NOPCHAP1: variants seen among roughly 807,000 people sequenced by gnomAD.
NOPCHAP1 encodes the protein NOP protein chaperone 1, also known as DNA damage-sensitive RNA 1.
Under a neutral mutation model 14.0 loss-of-function variants are expected in NOPCHAP1, and 13 were observed. That is an observed-to-expected ratio of 0.93 (90% CI 0.60 to 1.47). The LOEUF (loss-of-function observed/expected upper bound fraction) is 1.47, where lower values mean the gene tolerates loss of function less well. Among genes scored for constraint, NOPCHAP1 ranks in the 40% most tolerant of loss-of-function variants. The pLI, the probability that NOPCHAP1 is intolerant of heterozygous loss-of-function variation, is 0.00. For missense variants in NOPCHAP1, 230 were observed against 226.9 expected, an observed-to-expected ratio of 1.01 and a Z score of -0.09; for synonymous variants, 78 against 78.4, an observed-to-expected ratio of 1.00 and a Z score of 0.03.
chr12:105,014,373 A>G lies in NOPCHAP1; in HGVS notation c.*19677A>G, dbSNP rs1351870186. ...GTACCTAACTTTTTAATTTTTTTTAAGCCATGCAGTTCATCTGTGAATTTT... is the reference window on the plus strand; with the variant it reads ...GTACCTAACTTTTTAATTTTTTTTAGGCCATGCAGTTCATCTGTGAATTTT... On this transcript the variant is annotated 3_prime_UTR_variant, in exon 4 of 4. Transcript: ENST00000552951. 6.6e-6 allele frequency: 1 copy of G among 152,142 alleles called. No individual in the cohort carries two copies. Among genetic ancestry groups the G allele is most frequent in the Non-Finnish European group, 1.5e-5 (1 of 68,012 alleles). 9.4% of individuals were successfully genotyped at this position (152,142 alleles called of 1,614,324 possible).
In NOPCHAP1 at chr12:105,014,523, A is replaced by G. The variant is rs925306187; in HGVS notation, c.*19827A>G. On this transcript the variant is annotated 3_prime_UTR_variant, in exon 4 of 4. Transcript: ENST00000552951. ...TGTCACCTGTATTTAGCTATTCTCA[A>G]ACATACCTATTTTTATTTTAAGAAT... is the stretch of plus-strand genomic sequence containing the variant. 2.0e-5 allele frequency: 3 copies of G among 152,200 alleles called. No individual in the cohort carries two copies. The highest frequency in any genetic ancestry group is 4.4e-5 in the Non-Finnish European group (3 of 68,026). The allele number at this position is 152,200 out of a possible 1,614,324, so 9.4% of individuals were successfully genotyped here. A position where few individuals can be genotyped will look rare whatever the true frequency, so the allele number is the denominator to read the frequency against.
At chr12:104,989,007 A>AT (rs1873316126) in intron 2 of NOPCHAP1, among the ~76,000 whole-genome samples, 1 of 151,498 alleles carries the variant, frequency 6.6e-6, no homozygotes, top group African/African-American at 2.4e-5. Context: ...TAGAAGGTGT[A>AT]ATTTTTTTTT....
intron 3 of NOPCHAP1, 110 bp from the exon 4 acceptor site, chr12:104,994,368 C>A: frequency 9.4e-7 from 1 of 1,060,874 alleles, no homozygotes; most frequent in Non-Finnish European, 1.5e-6. Flanking sequence ...AAATTCTTAT[C>A]CTTTATGTTT....
At position 105,016,463 on chromosome 12, in the gene NOPCHAP1, C is replaced by G. The variant is rs1873949302; in HGVS notation, c.*21767C>G. On this transcript the variant is annotated 3_prime_UTR_variant, in exon 4 of 4. Transcript: ENST00000552951. ...ATGTATGCGTATTAGTCTGTTCTCA[C>G]ACTGCTAATAAAGACATACCCGAGA... 1.3e-5 allele frequency: 2 copies of G among 152,506 alleles called. No homozygotes were observed. Among genetic ancestry groups the G allele is most frequent in the Non-Finnish European group, 2.9e-5 (2 of 68,330 alleles). 9.4% of individuals were successfully genotyped at this position (152,506 alleles called of 1,614,324 possible).
rs149630055 is a variant in NOPCHAP1 at position 104,990,666 on chromosome 12, A to T, written c.203-1046A>T. 2.8e-3 allele frequency among the ~76,000 whole-genome samples: 419 copies of T among 152,280 alleles called. 2 individuals carry two copies. The highest frequency in any genetic ancestry group is 0.014 in the South Asian group (69 of 4,818). On this transcript the variant is annotated intron_variant, in intron 2 of 3. Transcript: ENST00000552951. ...GGTTATGTGCTGGGCCTCTTTTGAG[A>T]GAGAAAATAAATATCCTTGTTTGTT...
At chr12:104,992,880 T>C (rs1036647245) in intron 3 of NOPCHAP1, among the ~76,000 whole-genome samples, 8 of 152,284 alleles carry the variant, frequency 5.3e-5, no homozygotes, top group Non-Finnish European at 1.0e-4. Flanking sequence ...GGAAGAATTT[T>C]CTTCCACAAA....
At position 105,014,817 on chromosome 12, in the gene NOPCHAP1, C is replaced by T. The variant is rs1275290376; in HGVS notation, c.*20121C>T. ...CAAAGAAAGGCGACAGCTGGTTTTC[C>T]CTTCCAAAGGTCAAAATGACCTCAG... On this transcript the variant is annotated 3_prime_UTR_variant, in exon 4 of 4. Transcript: ENST00000552951. 1 of 152,138 alleles carries T rather than the reference C, an allele frequency of 6.6e-6. No individual in the cohort carries two copies. Among genetic ancestry groups the T allele is most frequent in the Non-Finnish European group, 1.5e-5 (1 of 68,024 alleles). The allele number at this position is 152,138 out of a possible 1,614,324, so 9.4% of individuals were successfully genotyped here.
chr12:104,990,766 A>T (rs1434057878), intron 2 of NOPCHAP1, among the ~76,000 whole-genome samples: 1 of 152,188 alleles, frequency 6.6e-6, no homozygotes, highest in African/African-American at 2.4e-5. Flanking sequence ...AGGTTTCAAG[A>T]GGTAGAATTA....
At position 105,004,679 on chromosome 12, in the gene NOPCHAP1, GA is replaced by G. The variant is rs1723127680; in HGVS notation, c.*9984del. ...CACCATCAAGATGGGTTTAATGAGGGAGGAATATGTGAAAAAGAAAAAAGAT... is the reference window on the plus strand; with the variant it reads ...CACCATCAAGATGGGTTTAATGAGGGGGAATATGTGAAAAAGAAAAAAGAT... On this transcript the variant is annotated 3_prime_UTR_variant, in exon 4 of 4. Coordinates refer to ENST00000552951, the MANE Select transcript of NOPCHAP1 (RefSeq NM_152318.3). 1 of 152,136 alleles carries G rather than the reference GA, an allele frequency of 6.6e-6. No individual in the cohort carries two copies. The highest frequency in any genetic ancestry group is 1.5e-5 in the Non-Finnish European group (1 of 68,016). The allele number at this position is 152,136 out of a possible 1,614,324, so 9.4% of individuals were successfully genotyped here.
rs201752109 is a variant in NOPCHAP1 at position 104,988,239 on chromosome 12, T to C, written c.188T>C (p.Ile63Thr). ...ACCTCCACTCTTCAAACAGTTCGGA[T>C]AGAGAGGAGTCCCTGTAAGTACCTC... ...RKTSTLQTVR[I>T]ERSPLLDQVQ... Residue 63 changes from isoleucine to threonine, a missense_variant, in exon 2 of 4, where the codon ATA becomes ACA. By Grantham distance (89) the Ile-to-Thr change is moderately conservative. Transcript: ENST00000552951. 4 of 1,611,096 alleles carry C rather than the reference T, an allele frequency of 2.5e-6. No homozygotes were observed. The East Asian group carries it at 6.7e-5, about 27-fold the overall frequency.
chr12:104,993,486 A>G (rs969985400), intron 3 of NOPCHAP1, among the ~76,000 whole-genome samples: 10 of 152,146 alleles, frequency 6.6e-5, no homozygotes, highest in African/African-American at 1.9e-4. Context: ...AATCTAGAGC[A>G]TGCTCTTCCC....
Position 104,994,645 on chromosome 12 carries a change from A to G in NOPCHAP1, c.507A>G (p.Gly169=), listed in dbSNP as rs770159752. 14 of 1,613,708 alleles carry G rather than the reference A, an allele frequency of 8.7e-6. No individual in the cohort carries two copies. Among genetic ancestry groups the G allele is most frequent in the Non-Finnish European group, 1.2e-5 (14 of 1,179,896 alleles). The stretch of plus-strand genomic sequence containing the variant: ...TTAAGCTTCCCAATTCTGAAGGTGG[A>G]AAAGGCAAGATTGAAGTTTTGGACA... ...DNIKLPNSEG[G]KGKIEVLDSP... is the part of the protein sequence containing the mutation. Residue 169 remains glycine, a synonymous_variant, in exon 4 of 4, where the codon GGA becomes GGG. Coordinates refer to ENST00000552951, the MANE Select transcript of NOPCHAP1 (RefSeq NM_152318.3).
At chr12:104,992,407 A>G (rs1873398924) in intron 3 of NOPCHAP1, among the ~76,000 whole-genome samples, 1 of 152,210 alleles carries the variant, frequency 6.6e-6, no homozygotes, top group African/African-American at 2.4e-5. Context: ...TTGTTGGCCC[A>G]GGTAATTATG....
chr12:104,988,289 G>A (rs200642989), intron 2 of NOPCHAP1, 36 bp downstream of exon 2: 1 of 1,506,884 alleles, frequency 6.6e-7, no homozygotes, highest in Admixed American at 1.7e-5. Context: ...CCTCTCTAAT[G>A]CTGAGTTTTG....
chr12:104,986,635 GGGCTTT>G (rs1436408664), intron 1 of NOPCHAP1, among the ~76,000 whole-genome samples, 168 bp downstream of exon 1: 1 of 152,172 alleles, frequency 6.6e-6, no homozygotes, highest in Non-Finnish European at 1.5e-5. Flanking sequence ...GCAGGGGTGG[GGGCTTT>G]GGGGCGGGCA....
In NOPCHAP1 at chr12:105,008,726, T is replaced by G. The variant is rs1352452850; in HGVS notation, c.*14030T>G. The G allele has an allele frequency of 6.6e-6, 1 of 152,206 alleles. No individual in the cohort carries two copies. The highest frequency in any genetic ancestry group is 1.5e-5 in the Non-Finnish European group (1 of 68,032). 9.4% of individuals were successfully genotyped at this position (152,206 alleles called of 1,614,324 possible). On this transcript the variant is annotated 3_prime_UTR_variant, in exon 4 of 4. Transcript: ENST00000552951. ...GGCTAGCCAGTTTACCCAACACCAT[T>G]TATTAAATAGGGAATCTTTTCTCCA...
chr12:104,987,424 ACT>A (rs769004715), intron 1 of NOPCHAP1, among the ~76,000 whole-genome samples: 11 of 152,094 alleles, frequency 7.2e-5, no homozygotes, highest in Non-Finnish European at 1.5e-4. Context: ...CTGGCTCCAG[ACT>A]CTGTGCTCTG....
At position 105,006,096 on chromosome 12, in the gene NOPCHAP1, C is replaced by T. The variant is rs1344469930; in HGVS notation, c.*11400C>T. On this transcript the variant is annotated 3_prime_UTR_variant, in exon 4 of 4. Transcript: ENST00000552951. ...TCCACCTGCCCCACCTTTTTTGCCACATTCACAATCTCTTTCATGATTTCC... is the reference window on the plus strand; with the variant it reads ...TCCACCTGCCCCACCTTTTTTGCCATATTCACAATCTCTTTCATGATTTCC... The T allele has an allele frequency of 6.6e-6, 1 of 152,224 alleles. No homozygotes were observed. Among genetic ancestry groups the T allele is most frequent in the Non-Finnish European group, 1.5e-5 (1 of 68,048 alleles). 9.4% of individuals were successfully genotyped at this position (152,224 alleles called of 1,614,324 possible). A position where few individuals can be genotyped will look rare whatever the true frequency, so the allele number is the denominator to read the frequency against.
rs1028252453 is a variant in NOPCHAP1 at position 105,004,336 on chromosome 12, C to G, written c.*9640C>G. Reference sequence around the variant, plus strand: ...CTGTAATCCCAGCACTTTGGGAGGCCAAGGTGGGCAGATCACGAGGTCAGG... The same window carrying G: ...CTGTAATCCCAGCACTTTGGGAGGCGAAGGTGGGCAGATCACGAGGTCAGG... On this transcript the variant is annotated 3_prime_UTR_variant, in exon 4 of 4. Transcript: ENST00000552951. 6.6e-6 allele frequency: 1 copy of G among 152,066 alleles called. No individual in the cohort carries two copies. Among genetic ancestry groups the G allele is most frequent in the Non-Finnish European group, 1.5e-5 (1 of 68,022 alleles). 9.4% of individuals were successfully genotyped at this position (152,066 alleles called of 1,614,324 possible).
Sources: allele counts gnomAD v4.1 joint callset (sites outside exome capture counted in the v4.1 genomes callset), GRCh38; gene constraint gnomAD v4.1.1; transcripts MANE v1.5; gene names NCBI Gene and HGNC (gene_info 2026-07-23, HGNC 2026-07-21).